Variants in ZSCAN32 observed in about 807,000 individuals in gnomAD.
The protein encoded by ZSCAN32 is zinc finger and SCAN domain-containing protein 32.
ZSCAN32 carries 52 observed loss-of-function variants against 47.4 expected under a neutral mutation model. The ratio of observed to expected loss-of-function variants is 1.10; its 90% CI spans 0.88 to 1.38. The LOEUF is 1.38. Among genes scored for constraint, ZSCAN32 ranks in the 40% most tolerant of loss-of-function variants. The probability of loss-of-function intolerance (pLI) is 0.00; values close to 1 mark genes in which losing one functional copy is unlikely to be tolerated. For synonymous variants in ZSCAN32, 346 were observed against 305.7 expected (o/e 1.13, Z -1.38); for missense variants, 959 against 846.0 (o/e 1.13, Z -1.66).
intron 5 of ZSCAN32, among the ~76,000 whole-genome samples, chr16:3,389,505 C>T (rs377535004): frequency 1.3e-5 from 2 of 152,164 alleles, no homozygotes; most frequent in South Asian, 2.1e-4. Context: ...GGCAAGAGAG[C>T]GGTCTGCTTG....
intron 1 of ZSCAN32, among the ~76,000 whole-genome samples, chr16:3,399,326 C>A (rs191883469): frequency 1.3e-5 from 2 of 152,304 alleles, no homozygotes; most frequent in African/African-American, 4.8e-5. Context: ...TATCAAAATT[C>A]TTTTCTCAGA....
Position 3,383,629 on chromosome 16 carries a change from C to T in ZSCAN32, c.1317G>A (p.Gln439=), listed in dbSNP as rs2031544624. 1 of 1,612,870 alleles carries T rather than the reference C, an allele frequency of 6.2e-7. No individual in the cohort carries two copies. The change falls in exon 7 of 7, where the codon CAG becomes CAA. Residue 439 remains glutamine (Q), a synonymous_variant. Transcript: ENST00000396852. ...SEEVEINKAL[Q]RKSRGVYWHS... ...GCCAATAAACTCCTCTGGACTTTCT[C>T]TGTAAAGCCTTGTTTATTTCTACTT...
chr16:3,400,458 C>T (rs1373015131), intron 1 of ZSCAN32, among the ~76,000 whole-genome samples: 3 of 152,080 alleles, frequency 2.0e-5, no homozygotes, highest in Non-Finnish European at 2.9e-5. Context: ...CCTTCTTGAC[C>T]CCTTTTGACC....
At chr16:3,390,374 G>T (rs1412611838) in intron 4 of ZSCAN32, 49 bp downstream of exon 4, 3 of 1,487,006 alleles carry the variant, frequency 2.0e-6, no homozygotes, top group African/African-American at 1.4e-5. Flanking sequence ...GGAGGGTTTT[G>T]GGGTGAGAGT....
intron 2 of ZSCAN32, among the ~76,000 whole-genome samples, chr16:3,395,738 C>A (rs1332864841): frequency 1.3e-5 from 2 of 152,166 alleles, no homozygotes; most frequent in African/African-American, 4.8e-5. Flanking sequence ...ATGGTTCACA[C>A]CTGTATTCCC....
intron 5 of ZSCAN32, among the ~76,000 whole-genome samples, chr16:3,387,835 G>A (rs868856823): frequency 6.6e-6 from 1 of 152,202 alleles, no homozygotes; most frequent in Non-Finnish European, 1.5e-5. Context: ...CTGCCTTCAA[G>A]GAGGTCACAG....
chr16:3,395,895 G>A (rs1257189239), intron 2 of ZSCAN32, among the ~76,000 whole-genome samples: 1 of 152,148 alleles, frequency 6.6e-6, no homozygotes, highest in Non-Finnish European at 1.5e-5. Context: ...CTACTTGGGG[G>A]GCTGAGGCAA....
At chr16:3,387,403 A>T (rs1406868399) in intron 5 of ZSCAN32, among the ~76,000 whole-genome samples, 1 of 152,234 alleles carries the variant, frequency 6.6e-6, no homozygotes, top group Admixed American at 6.5e-5. Context: ...TAGATACAGG[A>T]AACTAAATGA....
intron 1 of ZSCAN32, 100 bp from the exon 2 acceptor site, chr16:3,397,844 A>C: frequency 3.4e-6 from 1 of 290,298 alleles, no homozygotes; most frequent in Non-Finnish European, 6.4e-6. Context: ...CCCTCCACAA[A>C]TCTACACCAA....
chr16:3,393,555 T>C (rs2033068034), intron 3 of ZSCAN32, 94 bp downstream of exon 3: 1 of 1,282,452 alleles, frequency 7.8e-7, no homozygotes, highest in Non-Finnish European at 1.0e-6. Flanking sequence ...AGGCATTTAG[T>C]CTGGAACCCT....
Position 3,397,480 on chromosome 16 carries a change from G to A in ZSCAN32, c.78C>T (p.Leu26=), listed in dbSNP as rs934384968. ...KDPTQGQKSA[L]QGNSPDSEAS... ...CCTCGGAGTCAGGGCTGTTACCCTG[G>A]AGGGCTGATTTCTGGCCCTGTGTGG... Residue 26 remains leucine (L), a synonymous_variant, in exon 2 of 7, where the codon CTC becomes CTT. Transcript: ENST00000396852. 3.9e-6 allele frequency: 6 copies of A among 1,550,516 alleles called. No individual in the cohort carries two copies. In the African/African-American group the frequency reaches 8.2e-5, roughly 21 times the overall value.
chr16:3,388,571 C>T (rs372763249), intron 5 of ZSCAN32, among the ~76,000 whole-genome samples: 7 of 152,304 alleles, frequency 4.6e-5, no homozygotes, highest in African/African-American at 9.6e-5. Flanking sequence ...GTATCCCTAA[C>T]GACCTAGAAC....
chr16:3,398,582 A>T (rs2150911130), intron 1 of ZSCAN32, among the ~76,000 whole-genome samples: 1 of 152,324 alleles, frequency 6.6e-6, no homozygotes, highest in South Asian at 2.1e-4. Context: ...CTGGGCAGTT[A>T]CAGTACCAAA....
rs79748636 is a variant in ZSCAN32, at chr16:3,399,779, T to TAA, written c.-188+1165_-188+1166insTT. 1.8e-3 allele frequency among the ~76,000 whole-genome samples: 281 copies of TAA among 152,210 alleles called. 1 individual carries two copies. The East Asian group carries it at 0.029, about 16-fold the overall frequency. The stretch of plus-strand genomic sequence containing the variant: ...AATTTTAAATAGAAGCTAACTTTTG[T>TAA]ATTTTTTGTAGAGGTGGAGTTTCAC... On this transcript the variant is annotated intron_variant, in intron 1 of 6. Coordinates refer to ENST00000396852, the MANE Select transcript of ZSCAN32 (RefSeq NM_001284527.2).
chr16:3,395,728 A>G lies in ZSCAN32; in HGVS notation c.366+1464T>C, dbSNP rs986733535. ...ATATTAAGAGTGTGGGCCGGGCACAATGGTTCACACCTGTATTCCCAACAC... is the reference window on the plus strand; with the variant it reads ...ATATTAAGAGTGTGGGCCGGGCACAGTGGTTCACACCTGTATTCCCAACAC... On this transcript the variant is annotated intron_variant, in intron 2 of 6. Coordinates refer to ENST00000396852, the MANE Select transcript of ZSCAN32 (RefSeq NM_001284527.2). Among the ~76,000 whole-genome samples the G allele has an allele frequency of 9.8e-5, 15 of 152,324 alleles. 1 individual carries two copies. Among genetic ancestry groups the G allele is most frequent in the African/African-American group, 3.4e-4 (14 of 41,576 alleles).
chr16:3,389,153 A>G (rs779787823), intron 5 of ZSCAN32, among the ~76,000 whole-genome samples: 8 of 152,246 alleles, frequency 5.3e-5, no homozygotes, highest in Non-Finnish European at 1.2e-4. Context: ...GAGGTGCAGA[A>G]GCCTGAAGCA....
intron 1 of ZSCAN32, among the ~76,000 whole-genome samples, chr16:3,400,270 G>C (rs1194072441): frequency 1.3e-5 from 2 of 152,128 alleles, no homozygotes; most frequent in African/African-American, 4.8e-5. Flanking sequence ...TAGCCAAAAA[G>C]AAACTGAGAG....
At position 3,397,617 on chromosome 16, in the gene ZSCAN32, C is replaced by T; in HGVS notation, c.-60G>A. 6.9e-7 allele frequency: 1 copy of T among 1,455,742 alleles called. No individual in the cohort carries two copies. The highest frequency in any genetic ancestry group is 9.1e-7 in the Non-Finnish European group (1 of 1,102,654). 90.2% of individuals were successfully genotyped at this position (1,455,742 alleles called of 1,614,324 possible). ...TTCTACCCTGGAGATCAGAGTCCAT[C>T]TTTCCCACATCACTGGGAAGCCATG... On this transcript the variant is annotated 5_prime_UTR_variant, in exon 2 of 7. Transcript: ENST00000396852.
intron 2 of ZSCAN32, among the ~76,000 whole-genome samples, chr16:3,395,524 C>T (rs924993305): frequency 4.6e-5 from 7 of 152,148 alleles, no homozygotes; most frequent in Admixed American, 3.9e-4. Flanking sequence ...CTTCCCCTTC[C>T]GCCATGACTG....
Sources: gnomAD v4.1 joint callset for allele counts (sites outside exome capture counted in the v4.1 genomes callset) on GRCh38, gnomAD v4.1.1 for gene constraint, MANE v1.5 for transcripts, NCBI Gene and HGNC (gene_info 2026-07-23, HGNC 2026-07-21) for gene names.